Variants in TMED5 observed in about 807,000 individuals in gnomAD.
The protein encoded by TMED5 is transmembrane p24 trafficking protein 5.
Under a neutral mutation model 23.0 loss-of-function variants are expected in TMED5, and 27 were observed. The observed-to-expected ratio is 1.17, with a 90% confidence interval of 0.86 to 1.62. The LOEUF is 1.62. Among genes scored for constraint, TMED5 ranks in the 40% most tolerant of loss-of-function variants. The pLI is 0.00. For synonymous variants in TMED5, 97 were observed against 100.8 expected (o/e 0.96, Z 0.23); for missense variants, 248 against 273.7 (o/e 0.91, Z 0.66).
At chr1:93,154,958 C>CACCCAGCCTCATT in intron 3 of TMED5, 70 bp from the exon 4 acceptor site, 2 of 1,169,098 alleles carry the variant, frequency 1.7e-6, no homozygotes, top group Non-Finnish European at 2.4e-6. Context: ...AAAAATGAGG[C>CACCCAGCCTCATT]TGGGTGCAGT....
chr1:93,174,665 C>G (rs1359883805), intron 1 of TMED5, among the ~76,000 whole-genome samples: 2 of 152,132 alleles, frequency 1.3e-5, no homozygotes, highest in African/African-American at 2.4e-5. Context: ...AAGTAAATCC[C>G]AGTGTCTGTT....
chr1:93,164,486 GAGATCAC>G (rs1351511114), intron 1 of TMED5, among the ~76,000 whole-genome samples: 1 of 152,126 alleles, frequency 6.6e-6, no homozygotes, highest in East Asian at 1.9e-4. Context: ...CCAGTACATA[GAGATCAC>G]AAGAAAGCTT....
Position 93,180,377 on chromosome 1 carries a change from G to A in TMED5, c.-135C>T, listed in dbSNP as rs539510291. Reference sequence around the variant, plus strand: ...AACTCCAGGTGGCGGCCGCGGCGGCGGCGAACACTCCCTCCGAAAGAGAAG... The same window carrying A: ...AACTCCAGGTGGCGGCCGCGGCGGCAGCGAACACTCCCTCCGAAAGAGAAG... On this transcript the variant is annotated 5_prime_UTR_variant, in exon 1 of 4. Transcript: ENST00000370282. 26 of 1,261,474 alleles carry A rather than the reference G, an allele frequency of 2.1e-5. No homozygotes were observed. The East Asian group carries it at 6.0e-4, about 29-fold the overall frequency. 78.1% of individuals were successfully genotyped at this position (1,261,474 alleles called of 1,614,324 possible).
intron 2 of TMED5, among the ~76,000 whole-genome samples, chr1:93,159,255 G>A (rs990552221): frequency 1.6e-4 from 25 of 152,162 alleles, no homozygotes. Flanking sequence ...CCCTGCATGT[G>A]TATCCCTGGA....
intron 1 of TMED5, among the ~76,000 whole-genome samples, chr1:93,177,584 C>CCA (rs1648962552): frequency 2.3e-5 from 1 of 44,426 alleles, no homozygotes; most frequent in African/African-American, 1.3e-4. Context: ...GACTCTGTCT[C>CCA]AAAAAAAAAA....
chr1:93,163,396 G>A (rs890733579), intron 1 of TMED5, among the ~76,000 whole-genome samples: 4 of 150,242 alleles, frequency 2.7e-5, no homozygotes, highest in African/African-American at 9.8e-5. Context: ...CCAGGCTGGA[G>A]TGTAGTGGCG....
intron 1 of TMED5, among the ~76,000 whole-genome samples, chr1:93,176,398 C>T (rs964882067): frequency 3.9e-5 from 6 of 152,160 alleles, no homozygotes; most frequent in Non-Finnish European, 5.9e-5. Context: ...TCCTACTGAG[C>T]CCACTCATAG....
Position 93,154,590 on chromosome 1 carries a change from A to T in TMED5, c.*80T>A. On this transcript the variant is annotated 3_prime_UTR_variant, in exon 4 of 4. Transcript: ENST00000370282. The stretch of plus-strand genomic sequence containing the variant: ...TATATCTCAAAATATTTTGGAGAAG[A>T]CCATTAATGGTCTTGACTGTAACAG... 3.3e-6 allele frequency: 3 copies of T among 907,996 alleles called. No individual in the cohort carries two copies. Among genetic ancestry groups the T allele is most frequent in the Non-Finnish European group, 5.0e-6 (3 of 597,578 alleles). 56.2% of individuals were successfully genotyped at this position (907,996 alleles called of 1,614,324 possible).
chr1:93,170,736 A>G (rs1295246064), intron 1 of TMED5, among the ~76,000 whole-genome samples: 1 of 152,156 alleles, frequency 6.6e-6, no homozygotes, highest in Non-Finnish European at 1.5e-5. Flanking sequence ...TAGCTAAGGG[A>G]TTTTAAATAC....
intron 1 of TMED5, among the ~76,000 whole-genome samples, chr1:93,166,403 T>C (rs1648506133): frequency 6.6e-6 from 1 of 152,238 alleles, no homozygotes; most frequent in Non-Finnish European, 1.5e-5. Context: ...GGGTTCCCTT[T>C]TCTCCACATT....
rs1392774330 is a variant in TMED5 at position 93,152,082 on chromosome 1, C to T, written c.*2588G>A. ...TCATTTTTTGTCAATTTTAAGACAC[C>T]ATTATGTGTAAGAAGGATTAATTTT... is the stretch of plus-strand genomic sequence containing the variant. On this transcript the variant is annotated 3_prime_UTR_variant, in exon 4 of 4. Transcript: ENST00000370282. 6.6e-6 allele frequency: 1 copy of T among 152,464 alleles called. No homozygotes were observed. The highest frequency in any genetic ancestry group is 1.9e-4 in the East Asian group (1 of 5,192). 9.4% of individuals were successfully genotyped at this position (152,464 alleles called of 1,614,324 possible). A position where few individuals can be genotyped will look rare whatever the true frequency, so the allele number is the denominator to read the frequency against.
chr1:93,161,892 A>AT (rs1159238949), intron 1 of TMED5: 2 of 152,122 alleles, frequency 1.3e-5, no homozygotes, highest in Non-Finnish European at 2.9e-5. Context: ...CCATATTTTG[A>AT]TTTTTTGTCA....
At chr1:93,166,249 A>C (rs1164596938) in intron 1 of TMED5, among the ~76,000 whole-genome samples, 2 of 152,312 alleles carry the variant, frequency 1.3e-5, no homozygotes, top group South Asian at 4.1e-4. Context: ...TCTCTTTGAC[A>C]TACTGATTTT....
chr1:93,170,572 G>C (rs1466306765), intron 1 of TMED5, among the ~76,000 whole-genome samples: 1 of 152,194 alleles, frequency 6.6e-6, no homozygotes, highest in Non-Finnish European at 1.5e-5. Context: ...CCTGCTCCAC[G>C]GCACCCAGTC....
chr1:93,155,532 G>GTTT (rs547977053), intron 3 of TMED5, among the ~76,000 whole-genome samples: 65 of 130,090 alleles, frequency 5.0e-4, no homozygotes, highest in Non-Finnish European at 7.8e-4. Flanking sequence ...AATGACTAAG[G>GTTT]TTTTTTTTTT....
At chr1:93,177,941 T>C (rs536609852) in intron 1 of TMED5, among the ~76,000 whole-genome samples, 26 of 152,314 alleles carry the variant, frequency 1.7e-4, no homozygotes, top group South Asian at 1.7e-3. Flanking sequence ...AAGAGGACAG[T>C]AGTTAAAATA....
At chr1:93,177,986 AT>A (rs979095907) in intron 1 of TMED5, among the ~76,000 whole-genome samples, 3 of 152,150 alleles carry the variant, frequency 2.0e-5, no homozygotes, top group Non-Finnish European at 2.9e-5. Context: ...AATACTGAAG[AT>A]TTTTTTATTA....
Position 93,180,086 on chromosome 1 carries a change from G to C in TMED5, c.157C>G (p.Pro53Ala). The change falls in exon 1 of 4, where the codon CCC (proline) becomes GCC (alanine). Residue 53 changes from proline (P) to alanine (A), a missense_variant. Transcript: ENST00000370282. ...TCGATCTCCAGCGAGGCCTTCAGGG[G>C]CATGGGCTGGTAGAAGCACTCCTTC... ...GQKECFYQPMPLKASLEIEYQ... is the reference protein window; with the variant it reads ...GQKECFYQPMALKASLEIEYQ... 2 of 1,613,590 alleles carry C rather than the reference G, an allele frequency of 1.2e-6. No individual in the cohort carries two copies. Among genetic ancestry groups the C allele is most frequent in the Non-Finnish European group, 1.7e-6 (2 of 1,179,754 alleles).
intron 1 of TMED5, among the ~76,000 whole-genome samples, chr1:93,168,413 CAGAT>C (rs1425933079): frequency 6.6e-6 from 1 of 152,152 alleles, no homozygotes; most frequent in Non-Finnish European, 1.5e-5. Flanking sequence ...TATAAAGACA[CAGAT>C]AGATTTAAAG....
Sources: gnomAD v4.1 joint callset for allele counts (sites outside exome capture counted in the v4.1 genomes callset) on GRCh38, gnomAD v4.1.1 for gene constraint, MANE v1.5 for transcripts, NCBI Gene and HGNC (gene_info 2026-07-23, HGNC 2026-07-21) for gene names.